PLCG2: variants seen among roughly 807,000 people sequenced by gnomAD.
PLCG2 encodes 1-phosphatidylinositol 4,5-bisphosphate phosphodiesterase gamma-2.
In PLCG2, 69 loss-of-function variants were observed where a neutral mutation model predicts 175.6. The observed-to-expected ratio is 0.39, with a 90% confidence interval of 0.32 to 0.48. PLCG2 has a LOEUF of 0.48. Ranked by LOEUF, PLCG2 falls within the 20% of genes least tolerant of loss-of-function variation. The pLI is 0.91. For missense variants in PLCG2, 1,798 were observed against 1,650.9 expected (o/e 1.09, Z -1.54); for synonymous variants, 827 against 624.0 (o/e 1.33, Z -4.85).
chr16:81,836,457 T>G (rs1243025555), intron 2 of PLCG2, among the ~76,000 whole-genome samples: 1 of 152,146 alleles, frequency 6.6e-6, no homozygotes, highest in Non-Finnish European at 1.5e-5. Flanking sequence ...GTGCAAGCTT[T>G]GGGCCGGGCA....
intron 30 of PLCG2, among the ~76,000 whole-genome samples, chr16:81,943,338 A>C (rs573930869): frequency 1.3e-5 from 2 of 152,308 alleles, no homozygotes; most frequent in Admixed American, 1.3e-4. Flanking sequence ...GAAGGGGAAC[A>C]AGCACATATT....
At position 81,958,259 on chromosome 16, in the gene PLCG2, C is replaced by G. The variant is rs8357; in HGVS notation, c.*261C>G. 36,667 of 491,470 alleles carry G rather than the reference C, an allele frequency of 0.075. 1,488 individuals carry two copies. Among genetic ancestry groups the G allele is most frequent in the African/African-American group, 0.091 (4,727 of 52,142 alleles). 30.4% of individuals were successfully genotyped at this position (491,470 alleles called of 1,614,324 possible). A position where few individuals can be genotyped will look rare whatever the true frequency, so the allele number is the denominator to read the frequency against. On this transcript the variant is annotated 3_prime_UTR_variant, in exon 33 of 33. Coordinates refer to ENST00000564138, the MANE Select transcript of PLCG2 (RefSeq NM_002661.5). Reference sequence around the variant, plus strand: ...CTCCTCATTTTTGGCCTCTCATGTTCCAAACCTCATTGAATAAAAGCAATG... The same window carrying G: ...CTCCTCATTTTTGGCCTCTCATGTTGCAAACCTCATTGAATAAAAGCAATG...
In PLCG2 at chr16:81,751,840, G is replaced by T. The variant is rs906557665; in HGVS notation, c.-144-4030G>T. Among the ~76,000 whole-genome samples the T allele has an allele frequency of 3.3e-5, 5 of 152,000 alleles. No individual in the cohort carries two copies. The South Asian group carries it at 1.0e-3, about 32-fold the overall frequency. ...AGTTCAAGAGCAGCCTGGCCACCATGGTGAAATCTTGTCTCTACTAAAAAT... is the reference window on the plus strand; with the variant it reads ...AGTTCAAGAGCAGCCTGGCCACCATTGTGAAATCTTGTCTCTACTAAAAAT... On this transcript the variant is annotated intron_variant, in intron 1 of 5. Transcript: ENST00000565054.
Position 81,931,521 on chromosome 16 carries a change from A to G in PLCG2, c.2606A>G (p.Gln869Arg). ...NVVKAPQGKNQKSFVFILEPK... is the reference protein window; with the variant it reads ...NVVKAPQGKNRKSFVFILEPK... ...GTGAAAGCCCCTCAGGGAAAAAACC[A>G]GAAGTCCTTTGTCTTCATCCTGGAG... The change falls in exon 25 of 33, where the codon CAG (glutamine) becomes CGG (arginine). Residue 869 changes from glutamine to arginine, a missense_variant. Transcript: ENST00000564138. 2.5e-6 allele frequency: 4 copies of G among 1,614,134 alleles called. No individual in the cohort carries two copies. Among genetic ancestry groups the G allele is most frequent in the Non-Finnish European group, 2.5e-6 (3 of 1,180,014 alleles).
Position 81,921,279 on chromosome 16 carries a change from C to T in PLCG2, c.2307+10C>T, listed in dbSNP as rs1284524583. 8.2e-6 allele frequency: 13 copies of T among 1,581,486 alleles called. No homozygotes were observed. The highest frequency in any genetic ancestry group is 3.3e-5 in the Admixed American group (2 of 59,944). On this transcript the variant is annotated intron_variant, in intron 21 of 32. Transcript: ENST00000564138. ...AATCAATCCGTCCATGGTACGGTGC[C>T]GAACCTCCAATTCACATGATTTTGG...
At chr16:81,831,906 C>A (rs1008586600) in intron 2 of PLCG2, among the ~76,000 whole-genome samples, 2 of 152,204 alleles carry the variant, frequency 1.3e-5, no homozygotes, top group African/African-American at 4.8e-5. Context: ...GGCTTGCTAA[C>A]CACAAATGAA....
Position 81,936,287 on chromosome 16 carries a change from A to C in PLCG2, c.2961A>C (p.Pro987=), listed in dbSNP as rs1910709742. The C allele has an allele frequency of 6.2e-7, 1 of 1,614,198 alleles. No individual in the cohort carries two copies. The highest frequency in any genetic ancestry group is 8.5e-7 in the Non-Finnish European group (1 of 1,180,016). ...YNQKGLTRVY[P]KGQRVDSSNY... is the part of the protein sequence containing the mutation. ...AAAAGGGCCTGACCCGCGTCTACCCAAAGGGACAAAGAGTTGACTCTTCAA... is the reference window on the plus strand; with the variant it reads ...AAAAGGGCCTGACCCGCGTCTACCCCAAGGGACAAAGAGTTGACTCTTCAA... Residue 987 remains proline (P), a synonymous_variant, in exon 27 of 33, where the codon CCA becomes CCC. Transcript: ENST00000564138.
At chr16:81,753,211 C>T (rs1374672498) in intron 1 of PLCG2, among the ~76,000 whole-genome samples, 2 of 152,116 alleles carry the variant, frequency 1.3e-5, no homozygotes, top group African/African-American at 4.8e-5. Context: ...GCAGGTGCAA[C>T]CAAGCTCAGG....
intron 2 of PLCG2, among the ~76,000 whole-genome samples, chr16:81,768,947 G>A (rs1398824855): frequency 6.6e-6 from 1 of 152,116 alleles, no homozygotes; most frequent in Non-Finnish European, 1.5e-5. Context: ...CCAGCAGCCT[G>A]GGACTCCTGA....
At chr16:81,937,569 G>T in intron 27 of PLCG2, 189 bp from the exon 28 acceptor site, 1 of 435,308 alleles carries the variant, frequency 2.3e-6, no homozygotes, top group Non-Finnish European at 4.1e-6. Context: ...TACTTGGAAA[G>T]GTGTTCCCCA....
At chr16:81,840,918 C>T (rs1250085518) in intron 2 of PLCG2, among the ~76,000 whole-genome samples, 1 of 152,216 alleles carries the variant, frequency 6.6e-6, no homozygotes, top group Non-Finnish European at 1.5e-5. Context: ...GGAGTGGTCC[C>T]TTCCTCCCTT....
intron 2 of PLCG2, among the ~76,000 whole-genome samples, chr16:81,789,330 G>C (rs1032062794): frequency 6.6e-6 from 1 of 152,176 alleles, no homozygotes; most frequent in Non-Finnish European, 1.5e-5. Context: ...TTGCTCTGTT[G>C]CCCAGGCTAG....
In PLCG2 at chr16:81,859,557, C is replaced by T. The variant is rs745677826; in HGVS notation, c.479+394C>T. On this transcript the variant is annotated intron_variant, in intron 5 of 32. Transcript: ENST00000564138. ...AGGTGGTTCTTTTTTTTTTTTGAGA[C>T]GGAGTCTCGCTCTTTCGCCCAGGCT... Among the ~76,000 whole-genome samples, 73 of 150,548 alleles carry T rather than the reference C, an allele frequency of 4.8e-4. 2 individuals are homozygous for T. Among genetic ancestry groups the T allele is most frequent in the Non-Finnish European group, 8.9e-5 (6 of 67,696 alleles).
chr16:81,826,517 C>T (rs953238544), intron 2 of PLCG2, among the ~76,000 whole-genome samples: 8 of 152,206 alleles, frequency 5.3e-5, no homozygotes, highest in African/African-American at 1.9e-4. Flanking sequence ...TATCTCACAG[C>T]AGTGTTTTAG....
chr16:81,912,648 G>C lies in PLCG2; in HGVS notation c.1986G>C (p.Arg662Ser), dbSNP rs1202954972. The change falls in exon 19 of 33, where the codon AGG becomes AGC. Residue 662 changes from arginine to serine, a missense_variant. Coordinates refer to ENST00000564138, the MANE Select transcript of PLCG2 (RefSeq NM_002661.5). ...GAGAGGCAGAGGACATGCTGATGAG[G>C]ATTCCCCGGGACGGGGCCTTCCTGA... Reference protein sequence around the residue: ...SRGEAEDMLMRIPRDGAFLIR... With the variant: ...SRGEAEDMLMSIPRDGAFLIR... 7.4e-6 allele frequency: 12 copies of C among 1,613,136 alleles called. No homozygotes were observed. Among genetic ancestry groups the C allele is most frequent in the Non-Finnish European group, 1.0e-5 (12 of 1,179,816 alleles).
At chr16:81,921,304 G>A (rs1334283782) in intron 21 of PLCG2, 35 bp downstream of exon 21, 1 of 1,367,856 alleles carries the variant, frequency 7.3e-7, no homozygotes, top group Non-Finnish European at 1.0e-6. Context: ...CATGATTTTG[G>A]AGTCACGAGG....
upstream of PLCG2, among the ~76,000 whole-genome samples, chr16:81,776,192 T>C (rs578194411): frequency 5.2e-4 from 78 of 150,822 alleles, no homozygotes; most frequent in Non-Finnish European, 1.3e-4. Flanking sequence ...CACTGCAAGC[T>C]CCACCTCCTG....
At chr16:81,930,274 A>T (rs1347474110) in intron 24 of PLCG2, among the ~76,000 whole-genome samples, 1 of 152,220 alleles carries the variant, frequency 6.6e-6, no homozygotes, top group Non-Finnish European at 1.5e-5. Context: ...TATTTGGCAG[A>T]TAAGTTTCCC....
intron 14 of PLCG2, among the ~76,000 whole-genome samples, chr16:81,903,934 AC>A (rs1909257031): frequency 6.6e-6 from 1 of 152,188 alleles, no homozygotes; most frequent in Non-Finnish European, 1.5e-5. Flanking sequence ...CCACACGGTC[AC>A]TTTGTACCAT....
Sources: allele counts gnomAD v4.1 joint callset (sites outside exome capture counted in the v4.1 genomes callset), GRCh38; gene constraint gnomAD v4.1.1; transcripts MANE v1.5; gene names NCBI Gene and HGNC (gene_info 2026-07-23, HGNC 2026-07-21).